The following XRN2 variants were observed in gnomAD, a reference collection of about 807,000 sequenced individuals.
XRN2 encodes the protein DHM1-like protein.
A neutral mutation model predicts 138.5 loss-of-function variants in XRN2; 44 were observed. The observed-to-expected ratio is 0.32, with a 90% confidence interval of 0.25 to 0.41. XRN2 has a LOEUF of 0.41. XRN2 is among the 10% of genes least tolerant of loss of function. The probability of loss-of-function intolerance (pLI) is 1.00; values close to 1 mark genes in which losing one functional copy is unlikely to be tolerated. For synonymous variants in XRN2, 354 were observed against 369.4 expected, an observed-to-expected ratio of 0.96 and a Z score of 0.48; for missense variants, 937 against 1,169.3, an observed-to-expected ratio of 0.80 and a Z score of 2.90.
intron 14 of XRN2, among the ~76,000 whole-genome samples, chr20:21,339,700 C>T (rs1210449497): frequency 6.6e-6 from 1 of 152,182 alleles, no homozygotes; most frequent in African/African-American, 2.4e-5. Context: ...TACAAGGCCT[C>T]CCTTCTTGGT....
intron 1 of XRN2, among the ~76,000 whole-genome samples, chr20:21,304,567 T>C (rs2037788947): frequency 6.6e-6 from 1 of 152,188 alleles, no homozygotes; most frequent in Non-Finnish European, 1.5e-5. Flanking sequence ...TCATCCCATT[T>C]CTCCACCTTT....
At chr20:21,378,053 T>G (rs185842963) in intron 27 of XRN2, among the ~76,000 whole-genome samples, 23 of 152,310 alleles carry the variant, frequency 1.5e-4, no homozygotes, top group Admixed American at 3.3e-4. Flanking sequence ...CTCTTTACAT[T>G]TTAAGTGCCA....
At chr20:21,377,527 G>A (rs1229954440) in intron 27 of XRN2, among the ~76,000 whole-genome samples, 1 of 150,000 alleles carries the variant, frequency 6.7e-6, no homozygotes, top group African/African-American at 2.5e-5. Context: ...CAAAGTGTTG[G>A]GATTACAGGC....
At chr20:21,373,935 G>A (rs1256191627) in intron 27 of XRN2, among the ~76,000 whole-genome samples, 2 of 152,070 alleles carry the variant, frequency 1.3e-5, no homozygotes, top group Admixed American at 6.5e-5. Context: ...TATTATTGCT[G>A]TCATATGATG....
chr20:21,322,745 C>G (rs745969073), intron 1 of XRN2, among the ~76,000 whole-genome samples: 7 of 152,180 alleles, frequency 4.6e-5, no homozygotes, highest in Admixed American at 6.5e-5. Context: ...TAAATACCTT[C>G]TTTATCTTGA....
At chr20:21,356,742 T>A in intron 23 of XRN2, 77 bp downstream of exon 23, 1 of 1,231,522 alleles carries the variant, frequency 8.1e-7, no homozygotes, top group Non-Finnish European at 1.1e-6. Flanking sequence ...TGTCTAAATG[T>A]TTATTTTCTA....
At chr20:21,340,950 T>C (rs2038364597) in intron 15 of XRN2, 98 bp downstream of exon 15, 1 of 1,421,600 alleles carries the variant, frequency 7.0e-7, no homozygotes, top group Non-Finnish European at 9.7e-7. Context: ...GCCTGGAGTT[T>C]TGTTTTATAG....
chr20:21,329,856 G>GGT (rs60020864), intron 4 of XRN2, among the ~76,000 whole-genome samples: 10,793 of 145,900 alleles, frequency 0.074, 381 homozygotes, highest in Admixed American at 0.11. Flanking sequence ...GCCTCTAACT[G>GGT]GTGTGTGTGT....
Position 21,389,283 on chromosome 20 carries a change from G to T in XRN2, c.2798G>T (p.Arg933Ile), listed in dbSNP as rs774005334. 12 of 1,613,056 alleles carry T rather than the reference G, an allele frequency of 7.4e-6. No individual in the cohort carries two copies. In the South Asian group the frequency reaches 1.3e-4, roughly 18 times the overall value. Residue 933 changes from arginine (R) to isoleucine (I), a missense_variant, in exon 30 of 30, where the codon AGA (arginine) becomes ATA (isoleucine). Transcript: ENST00000377191. ...DDRGGRQGYP[R>I]EGRKYPLPPP... ...TTTGTTTATTTTCAGGGATATCCCA[G>T]AGAAGGAAGGAAATACCCTTTGCCA...
At chr20:21,327,617 A>G (rs2038145799) in intron 3 of XRN2, among the ~76,000 whole-genome samples, 1 of 152,198 alleles carries the variant, frequency 6.6e-6, no homozygotes, top group African/African-American at 2.4e-5. Context: ...TTTTTGAAGA[A>G]ATCTTTAGCT....
At position 21,363,942 on chromosome 20, in the gene XRN2, T is replaced by C. The variant is rs1204040008; in HGVS notation, c.2256-1479T>C. Among the ~76,000 whole-genome samples, 4 of 152,310 alleles carry C rather than the reference T, an allele frequency of 2.6e-5. No individual in the cohort carries two copies. In the East Asian group the frequency reaches 7.7e-4, roughly 29 times the overall value. ...CATTAAGTATTCTGTTACTAAATTT[T>C]TTTTTTTGAGACGGAGTCTCACTCT... On this transcript the variant is annotated intron_variant, in intron 24 of 29. Transcript: ENST00000377191.
intron 1 of XRN2, among the ~76,000 whole-genome samples, chr20:21,304,860 T>C (rs1393366009): frequency 6.6e-6 from 1 of 152,232 alleles, no homozygotes; most frequent in African/African-American, 2.4e-5. Flanking sequence ...AGCTGTACTT[T>C]TGCGTTGTGG....
At chr20:21,311,135 G>A (rs548733439) in intron 1 of XRN2, among the ~76,000 whole-genome samples, 1 of 152,230 alleles carries the variant, frequency 6.6e-6, no homozygotes, top group Non-Finnish European at 1.5e-5. Context: ...CATTTTGACT[G>A]TTTTAAAGTG....
rs2038966595 is a variant in XRN2, at chr20:21,389,412, AAGT to A, written c.*81_*83del. ...CTATTTGTGGAAAGATTTCTTTCTC[AAGT>A]AGTAGTTTTTAATAAAACTACAGTA... On this transcript the variant is annotated 3_prime_UTR_variant, in exon 30 of 30. Transcript: ENST00000377191. 3 of 1,417,674 alleles carry A rather than the reference AAGT, an allele frequency of 2.1e-6. No homozygotes were observed. Among genetic ancestry groups the A allele is most frequent in the African/African-American group, 1.5e-5 (1 of 68,916 alleles). 87.8% of individuals were successfully genotyped at this position (1,417,674 alleles called of 1,614,324 possible). A position where few individuals can be genotyped will look rare whatever the true frequency, so the allele number is the denominator to read the frequency against.
Position 21,332,488 on chromosome 20 carries a change from TGTG to T in XRN2, c.858+51_858+53del, listed in dbSNP as rs750955517. 12 of 1,477,692 alleles carry T rather than the reference TGTG, an allele frequency of 8.1e-6. No individual in the cohort carries two copies. In the East Asian group the frequency reaches 1.2e-4, roughly 14 times the overall value. The allele number at this position is 1,477,692 out of a possible 1,614,324, so 91.5% of individuals were successfully genotyped here. On this transcript the variant is annotated intron_variant, in intron 9 of 29. Transcript: ENST00000377191. ...TGCCTCATTAAAAAAAAAAATCTAT[TGTG>T]GTAAAATGTATATGACATAAAATAT...
Position 21,326,418 on chromosome 20 carries a change from A to G in XRN2, c.203+12A>G, listed in dbSNP as rs374750927. On this transcript the variant is annotated intron_variant, in intron 2 of 29. Transcript: ENST00000377191. Reference sequence around the variant, plus strand: ...CATCCTGAAGACAAGTACGTAACCCATTTTTGTCACTGATATAGCAAATCA... The same window carrying G: ...CATCCTGAAGACAAGTACGTAACCCGTTTTTGTCACTGATATAGCAAATCA... 3 of 1,613,504 alleles carry G rather than the reference A, an allele frequency of 1.9e-6. No individual in the cohort carries two copies. The highest frequency in any genetic ancestry group is 2.7e-5 in the African/African-American group (2 of 74,894).
intron 13 of XRN2, among the ~76,000 whole-genome samples, chr20:21,335,467 G>A (rs149403304): frequency 6.6e-6 from 1 of 152,256 alleles, no homozygotes; most frequent in African/African-American, 2.4e-5. Context: ...ACTGTAGCTA[G>A]TGATCTCTTA....
intron 24 of XRN2, among the ~76,000 whole-genome samples, chr20:21,364,788 A>G (rs2038675398): frequency 6.7e-6 from 1 of 149,160 alleles, no homozygotes; most frequent in Admixed American, 6.8e-5. Flanking sequence ...CCTGGGCAAC[A>G]GGGCGAGACC....
At chr20:21,319,053 G>C (rs540155504) in intron 1 of XRN2, among the ~76,000 whole-genome samples, 1 of 152,026 alleles carries the variant, frequency 6.6e-6, no homozygotes, top group East Asian at 1.9e-4. Context: ...GTGTATTTTG[G>C]TGCTGTTATT....
Sources: allele counts gnomAD v4.1 joint callset (sites outside exome capture counted in the v4.1 genomes callset), GRCh38; gene constraint gnomAD v4.1.1; transcripts MANE v1.5; gene names NCBI Gene and HGNC (gene_info 2026-07-23, HGNC 2026-07-21).